The following FAM163A variants were observed in gnomAD, a reference collection of about 807,000 sequenced individuals.
The protein encoded by FAM163A is family with sequence similarity 163 member A.
In FAM163A, 7 loss-of-function variants were observed where a neutral mutation model predicts 12.0. The observed-to-expected ratio is 0.58, with a 90% CI of 0.33 to 1.10. FAM163A has a LOEUF of 1.10. FAM163A is among the 50% of genes least tolerant of loss of function. The pLI, the probability that FAM163A is intolerant of heterozygous loss-of-function variation, is 0.03. For synonymous variants in FAM163A, 101 were observed against 91.0 expected, an observed-to-expected ratio of 1.11 and a Z score of -0.62; for missense variants, 202 against 218.6, an observed-to-expected ratio of 0.92 and a Z score of 0.48.
intron 1 of FAM163A, among the ~76,000 whole-genome samples, chr1:179,753,722 A>C (rs182008378): frequency 6.6e-6 from 1 of 152,298 alleles, no homozygotes; most frequent in Non-Finnish European, 1.5e-5. Flanking sequence ...TGAAATGTAA[A>C]TAGAAGGCGA....
the FAM163A span, among the ~76,000 whole-genome samples, chr1:179,736,502 T>C: frequency 0.68 from 103,357 of 152,032 alleles, 36,994 homozygotes; most frequent in East Asian, 0.96. Flanking sequence ...GTTAGGGTGG[T>C]GCTGTTCTCA....
At chr1:179,812,944 G>A (rs1694899073) in intron 3 of FAM163A, 132 bp from the exon 4 acceptor site, 2 of 780,916 alleles carry the variant, frequency 2.6e-6, no homozygotes, top group East Asian at 2.7e-5. Context: ...AACCCCTGGG[G>A]CCTGGCCCTC....
the FAM163A span, among the ~76,000 whole-genome samples, chr1:179,736,530 C>T: frequency 6.6e-6 from 1 of 152,158 alleles, no homozygotes; most frequent in African/African-American, 2.4e-5. Context: ...AAAAGGTGGG[C>T]CAGGCATGGT....
At chr1:179,807,932 G>T (rs1694180651) in intron 2 of FAM163A, 44 bp downstream of exon 2, 2 of 152,452 alleles carry the variant, frequency 1.3e-5, no homozygotes. Context: ...CTGGGAGAGG[G>T]TGTCTGGGCC....
chr1:179,774,424 A>C (rs1253643619), intron 1 of FAM163A, among the ~76,000 whole-genome samples: 1 of 152,080 alleles, frequency 6.6e-6, no homozygotes, highest in Non-Finnish European at 1.5e-5. Flanking sequence ...GGTTTCATGA[A>C]TTTTCTAAAC....
chr1:179,770,977 C>A (rs1242206361), intron 1 of FAM163A, among the ~76,000 whole-genome samples: 1 of 152,184 alleles, frequency 6.6e-6, no homozygotes, highest in African/African-American at 2.4e-5. Flanking sequence ...TCAAAGTCAT[C>A]CCACAAATGT....
At chr1:179,753,193 A>G (rs1685529587) in intron 1 of FAM163A, among the ~76,000 whole-genome samples, 1 of 152,212 alleles carries the variant, frequency 6.6e-6, no homozygotes, top group African/African-American at 2.4e-5. Flanking sequence ...ACATTATACT[A>G]AGTAAAATAA....
upstream of FAM163A, among the ~76,000 whole-genome samples, chr1:179,741,850 G>A (rs1487567438): frequency 1.3e-5 from 2 of 152,238 alleles, no homozygotes; most frequent in Non-Finnish European, 2.9e-5. Flanking sequence ...CTTGTGGAAG[G>A]GAATTGGTGG....
At chr1:179,732,593 T>TTG in the FAM163A span, among the ~76,000 whole-genome samples, 1 of 151,930 alleles carries the variant, frequency 6.6e-6, no homozygotes, top group Non-Finnish European at 1.5e-5. Flanking sequence ...TTATAAATGA[T>TTG]TGTTTAGGCA....
At chr1:179,769,125 GT>G (rs1410054242) in intron 1 of FAM163A, among the ~76,000 whole-genome samples, 3 of 152,034 alleles carry the variant, frequency 2.0e-5, no homozygotes, top group African/African-American at 4.8e-5. Flanking sequence ...TTTTGAATAT[GT>G]TTGAAATTTT....
chr1:179,810,164 A>G (rs949923608), intron 2 of FAM163A, among the ~76,000 whole-genome samples: 17 of 152,172 alleles, frequency 1.1e-4, no homozygotes, highest in African/African-American at 2.4e-5. Context: ...GACTTATAAT[A>G]TAGTGGAGGA....
At chr1:179,743,448 C>T (rs1683930217) in intron 1 of FAM163A, 25 bp downstream of exon 1, 1 of 152,298 alleles carries the variant, frequency 6.6e-6, no homozygotes. Flanking sequence ...CCTCATCGTG[C>T]AGGGGAGCGA....
the FAM163A span, among the ~76,000 whole-genome samples, chr1:179,737,928 C>T: frequency 3.2e-3 from 489 of 152,142 alleles, 5 homozygotes; most frequent in African/African-American, 0.011. Flanking sequence ...GTGATGGTTT[C>T]GCAGTATGTC....
At chr1:179,767,494 C>T (rs1250626056) in intron 1 of FAM163A, among the ~76,000 whole-genome samples, 3 of 152,272 alleles carry the variant, frequency 2.0e-5, no homozygotes, top group Non-Finnish European at 4.4e-5. Context: ...CACATCCCCC[C>T]GCATGGCTGC....
intron 1 of FAM163A, among the ~76,000 whole-genome samples, chr1:179,798,903 A>T (rs1692764901): frequency 6.6e-6 from 1 of 152,114 alleles, no homozygotes. Flanking sequence ...CCCCTCTTGG[A>T]AACCCCTTTG....
chr1:179,788,782 G>A (rs535948901), intron 1 of FAM163A, among the ~76,000 whole-genome samples: 6 of 152,282 alleles, frequency 3.9e-5, no homozygotes, highest in African/African-American at 1.4e-4. Context: ...CAAAAAGGGG[G>A]CTCAAGAAGT....
chr1:179,735,416 G>A, the FAM163A span, among the ~76,000 whole-genome samples: 1 of 151,266 alleles, frequency 6.6e-6, no homozygotes, highest in Non-Finnish European at 1.5e-5. Context: ...GTCAAAAGTT[G>A]GAGTTCATGG....
At chr1:179,806,763 G>A (rs768459853) in intron 1 of FAM163A, among the ~76,000 whole-genome samples, 1 of 152,216 alleles carries the variant, frequency 6.6e-6, no homozygotes, top group Non-Finnish European at 1.5e-5. Flanking sequence ...TTCTCTCAGT[G>A]TAGGGTCCAG....
At chr1:179,811,425 C>G (rs1350290942) in intron 2 of FAM163A, among the ~76,000 whole-genome samples, 2 of 152,154 alleles carry the variant, frequency 1.3e-5, no homozygotes, top group East Asian at 3.8e-4. Context: ...TTCTGGGCAG[C>G]TAGGGGAACG....
Sources: gnomAD v4.1 joint callset for allele counts (sites outside exome capture counted in the v4.1 genomes callset) on GRCh38, gnomAD v4.1.1 for gene constraint, MANE v1.5 for transcripts, NCBI Gene and HGNC (gene_info 2026-07-23, HGNC 2026-07-21) for gene names.